Variants in MCPH1 observed in about 807,000 individuals in gnomAD.
The protein encoded by MCPH1 is microcephalin 1.
Under a neutral mutation model 84.5 loss-of-function variants are expected in MCPH1, and 104 were observed. The observed-to-expected ratio is 1.23, with a 90% CI of 1.05 to 1.45. MCPH1 has a LOEUF of 1.45. Ranked by LOEUF, MCPH1 falls within the 40% of genes most tolerant of loss-of-function variation. The pLI is 0.00. For missense variants in MCPH1, 1,498 were observed against 1,005.7 expected, an observed-to-expected ratio of 1.49 and a Z score of -6.62; for synonymous variants, 514 against 366.8, an observed-to-expected ratio of 1.40 and a Z score of -4.58.
At chr8:6,455,019 A>G in intron 8 of MCPH1, 124 bp from the exon 9 acceptor site, 1 of 752,166 alleles carries the variant, frequency 1.3e-6, no homozygotes, top group Non-Finnish European at 2.4e-6. Context: ...CCAGATATAT[A>G]CAATTTATTT....
At chr8:6,512,650 T>G (rs1237989098) in intron 12 of MCPH1, among the ~76,000 whole-genome samples, 1 of 152,136 alleles carries the variant, frequency 6.6e-6, no homozygotes, top group Non-Finnish European at 1.5e-5. Flanking sequence ...TGTACCAGCA[T>G]TACTGTGCAT....
At chr8:6,441,816 A>G (rs1177296329) in intron 6 of MCPH1, among the ~76,000 whole-genome samples, 7 of 152,238 alleles carry the variant, frequency 4.6e-5, no homozygotes, top group Non-Finnish European at 1.0e-4. Context: ...TTTAGAGGTA[A>G]CTATGATGAG....
rs1383386448 is a variant in MCPH1, at chr8:6,406,886, C to G, written c.22+197C>G. Reference sequence around the variant, plus strand: ...AAACCCCCTGCTCCTGCTCTCTCCCCCGCTGCCTGTCCCCCCAAAACCCCC... The same window carrying G: ...AAACCCCCTGCTCCTGCTCTCTCCCGCGCTGCCTGTCCCCCCAAAACCCCC... On this transcript the variant is annotated intron_variant, in intron 1 of 13. Coordinates refer to ENST00000344683, the MANE Select transcript of MCPH1 (RefSeq NM_024596.5). Among the ~76,000 whole-genome samples, 10 of 86,734 alleles carry G rather than the reference C, an allele frequency of 1.2e-4. No individual in the cohort carries two copies. The East Asian group carries it at 3.7e-3, about 32-fold the overall frequency. The allele number at this position is 86,734 out of a possible 152,430, so 56.9% of individuals were successfully genotyped here.
intron 11 of MCPH1, among the ~76,000 whole-genome samples, chr8:6,493,677 T>C (rs960322615): frequency 6.6e-6 from 1 of 152,088 alleles, no homozygotes; most frequent in African/African-American, 2.4e-5. Flanking sequence ...AGGCTTGAGG[T>C]GAGGTCCACG....
At position 6,554,727 on chromosome 8, in the gene MCPH1, A is replaced by T. The variant is rs150982767; in HGVS notation, c.2214+54798A>T. ...GGAGAACCAGTCTGATTTTGGAGAA[A>T]GTAATTACCATCAGAGGAGCCCTCG... On this transcript the variant is annotated intron_variant, in intron 12 of 13. Coordinates refer to ENST00000344683, the MANE Select transcript of MCPH1 (RefSeq NM_024596.5). Among the ~76,000 whole-genome samples the T allele has an allele frequency of 1.3e-4, 20 of 152,338 alleles. No homozygotes were observed. In the East Asian group the frequency reaches 2.9e-3, roughly 22 times the overall value.
intron 6 of MCPH1, among the ~76,000 whole-genome samples, chr8:6,440,447 T>C (rs1030356164): frequency 1.3e-5 from 2 of 152,198 alleles, no homozygotes; most frequent in African/African-American, 2.4e-5. Flanking sequence ...AGGCAGGACA[T>C]GCACTCCTGG....
intron 12 of MCPH1, among the ~76,000 whole-genome samples, chr8:6,514,181 A>AT (rs1815763402): frequency 6.6e-6 from 1 of 152,190 alleles, no homozygotes; most frequent in African/African-American, 2.4e-5. Flanking sequence ...ACCTTTAAAA[A>AT]TAAGCTAAGT....
At chr8:6,509,032 G>T (rs61733315) in intron 12 of MCPH1, 3 of 1,613,888 alleles carry the variant, frequency 1.9e-6, no homozygotes, top group Non-Finnish European at 2.5e-6. Context: ...TTATTTTGCC[G>T]GCTGTCCCTG....
At chr8:6,467,130 A>G (rs1807080664) in intron 9 of MCPH1, among the ~76,000 whole-genome samples, 1 of 152,210 alleles carries the variant, frequency 6.6e-6, no homozygotes, top group African/African-American at 2.4e-5. Flanking sequence ...AGGTATTTAA[A>G]ATAGATTTTT....
At chr8:6,602,659 G>A (rs1026196386) in intron 12 of MCPH1, among the ~76,000 whole-genome samples, 4 of 152,012 alleles carry the variant, frequency 2.6e-5, no homozygotes. Flanking sequence ...TTGGCTGGTT[G>A]GGTTTGTTGC....
chr8:6,426,305 C>T (rs895127764), intron 3 of MCPH1, among the ~76,000 whole-genome samples: 1 of 152,140 alleles, frequency 6.6e-6, no homozygotes, highest in African/African-American at 2.4e-5. Flanking sequence ...GCATTTTCAT[C>T]ACCCCAAAAT....
intron 12 of MCPH1, among the ~76,000 whole-genome samples, chr8:6,557,567 C>G (rs1415420609): frequency 6.6e-6 from 1 of 152,142 alleles, no homozygotes; most frequent in Non-Finnish European, 1.5e-5. Context: ...TGTTGGCTGT[C>G]TAGATGGGCC....
chr8:6,490,167 T>G (rs1331514444), intron 11 of MCPH1, among the ~76,000 whole-genome samples: 1 of 152,192 alleles, frequency 6.6e-6, no homozygotes, highest in East Asian at 1.9e-4. Context: ...TACCTCAAGG[T>G]GCACTTTAAC....
At position 6,519,811 on chromosome 8, in the gene MCPH1, T is replaced by G. The variant is rs1418843033; in HGVS notation, c.2214+19882T>G. ...TTCTGCTCTCTGGTTCCTCACTCACTAAAGTGGCCTGCCTAGAGCCAGGGA... is the reference window on the plus strand; with the variant it reads ...TTCTGCTCTCTGGTTCCTCACTCACGAAAGTGGCCTGCCTAGAGCCAGGGA... On this transcript the variant is annotated intron_variant, in intron 12 of 13. Transcript: ENST00000344683. The G allele has an allele frequency of 3.8e-6, 6 of 1,597,088 alleles. No individual in the cohort carries two copies. In the African/African-American group the frequency reaches 8.0e-5, roughly 21 times the overall value.
At chr8:6,570,803 G>GTTTT (rs10548398) in intron 12 of MCPH1, among the ~76,000 whole-genome samples, 4 of 108,710 alleles carry the variant, frequency 3.7e-5, no homozygotes, top group South Asian at 3.2e-4. Flanking sequence ...ATGGATTGTT[G>GTTTT]TTTTTTTTTT....
In MCPH1 at chr8:6,465,151, A is replaced by C. The variant is rs183459053; in HGVS notation, c.1935+9899A>C. The stretch of plus-strand genomic sequence containing the variant: ...TGCGGGGAGTCAGCTTAATGATAGT[A>C]AACTGTGCTAAATGGGTCTAGAAAT... On this transcript the variant is annotated intron_variant, in intron 9 of 13. Coordinates refer to ENST00000344683, the MANE Select transcript of MCPH1 (RefSeq NM_024596.5). Among the ~76,000 whole-genome samples the C allele has an allele frequency of 4.3e-3, 662 of 152,334 alleles. 3 individuals are homozygous for C. Among genetic ancestry groups the C allele is most frequent in the African/African-American group, 0.015 (635 of 41,582 alleles).
chr8:6,550,215 A>G (rs1823384957), intron 12 of MCPH1, among the ~76,000 whole-genome samples: 1 of 152,202 alleles, frequency 6.6e-6, no homozygotes, highest in Non-Finnish European at 1.5e-5. Context: ...CTCACTGGCT[A>G]CCGCTAGGTG....
At chr8:6,535,566 T>G (rs79284642) in intron 12 of MCPH1, among the ~76,000 whole-genome samples, 6,944 of 152,282 alleles carry the variant, frequency 0.046, 559 homozygotes, top group African/African-American at 0.16. Flanking sequence ...GATGTGTGTA[T>G]ATACAGATAG....
At chr8:6,637,986 T>A (rs1453790479) in intron 13 of MCPH1, among the ~76,000 whole-genome samples, 3 of 152,172 alleles carry the variant, frequency 2.0e-5, no homozygotes, top group Non-Finnish European at 4.4e-5. Context: ...GTTCTGAGCT[T>A]CCAGAATGAG....
Sources: allele counts gnomAD v4.1 joint callset (sites outside exome capture counted in the v4.1 genomes callset), GRCh38; gene constraint gnomAD v4.1.1; transcripts MANE v1.5; gene names NCBI Gene and HGNC (gene_info 2026-07-23, HGNC 2026-07-21).